Variants in PRKG1 observed in about 807,000 individuals in gnomAD.
The protein encoded by PRKG1 is protein kinase cGMP-dependent 1.
Under a neutral mutation model 88.1 loss-of-function variants are expected in PRKG1, and 35 were observed. That is an observed-to-expected ratio of 0.40 (90% CI 0.30 to 0.53). PRKG1 has a LOEUF of 0.53. PRKG1 is among the 20% of genes least tolerant of loss of function. PRKG1 has a pLI of 0.59. For synonymous variants in PRKG1, 303 were observed against 292.5 expected, an observed-to-expected ratio of 1.04 and a Z score of -0.37; for missense variants, 540 against 839.8, an observed-to-expected ratio of 0.64 and a Z score of 4.41.
Position 51,756,816 on chromosome 10 carries a change from AAAAT to A in PRKG1, c.593-47749_593-47746del, listed in dbSNP as rs577394250. On this transcript the variant is annotated intron_variant, in intron 3 of 17. Coordinates refer to ENST00000373980, the MANE Select transcript of PRKG1 (RefSeq NM_006258.4). ...GGTGACAGTGCGAAACTCCATCTCA[AAAAT>A]AAATAAATAAATAAATAAAATAATA... Among the ~76,000 whole-genome samples, 4 of 151,578 alleles carry A rather than the reference AAAAT, an allele frequency of 2.6e-5. No homozygotes were observed. In the South Asian group the frequency reaches 6.2e-4, roughly 24 times the overall value.
intron 3 of PRKG1, among the ~76,000 whole-genome samples, chr10:51,468,566 A>G (rs952410222): frequency 1.3e-5 from 2 of 151,864 alleles, no homozygotes; most frequent in African/African-American, 4.8e-5. Flanking sequence ...TGACTGTATA[A>G]CAAACAGAGC....
chr10:51,915,298 A>G (rs962188286), intron 5 of PRKG1, among the ~76,000 whole-genome samples: 1 of 152,238 alleles, frequency 6.6e-6, no homozygotes, highest in African/African-American at 2.4e-5. Flanking sequence ...CAACATTATT[A>G]GTTCTCTTTG....
chr10:51,595,018 T>C (rs1199696318), intron 3 of PRKG1, among the ~76,000 whole-genome samples: 1 of 152,188 alleles, frequency 6.6e-6, no homozygotes, highest in Non-Finnish European at 1.5e-5. Flanking sequence ...CCTGGATGTA[T>C]GATAATGGAA....
At chr10:51,627,408 G>A (rs1243706030) in intron 3 of PRKG1, among the ~76,000 whole-genome samples, 1 of 152,138 alleles carries the variant, frequency 6.6e-6, no homozygotes, top group Admixed American at 6.5e-5. Flanking sequence ...ACATGCTTCA[G>A]GTTTCTTTAG....
At chr10:52,205,544 G>C (rs1839797068) in intron 9 of PRKG1, among the ~76,000 whole-genome samples, 1 of 152,108 alleles carries the variant, frequency 6.6e-6, no homozygotes, top group African/African-American at 2.4e-5. Context: ...TTTTTTGGTG[G>C]CTGGTAATGG....
At chr10:52,191,108 A>G (rs1839351267) in intron 9 of PRKG1, among the ~76,000 whole-genome samples, 2 of 152,162 alleles carry the variant, frequency 1.3e-5, no homozygotes, top group Admixed American at 1.3e-4. Flanking sequence ...ATGTCTCTTT[A>G]GGCCTCCTTT....
chr10:51,626,927 A>C (rs1205677499), intron 3 of PRKG1, among the ~76,000 whole-genome samples: 1 of 152,120 alleles, frequency 6.6e-6, no homozygotes, highest in Admixed American at 6.5e-5. Context: ...TCATTAGTTC[A>C]TTCATTCACT....
intron 3 of PRKG1, among the ~76,000 whole-genome samples, chr10:51,691,279 C>A (rs1442298527): frequency 1.3e-5 from 2 of 149,798 alleles, no homozygotes; most frequent in East Asian, 1.9e-4. Context: ...ATGTGCCGAA[C>A]CAGTTGCTAA....
At chr10:51,971,136 A>G (rs1843705505) in intron 5 of PRKG1, among the ~76,000 whole-genome samples, 1 of 151,952 alleles carries the variant, frequency 6.6e-6, no homozygotes, top group African/African-American at 2.4e-5. Flanking sequence ...CCATAGCATT[A>G]GATGTCAGAA....
intron 3 of PRKG1, among the ~76,000 whole-genome samples, chr10:51,622,341 C>T (rs960116633): frequency 6.6e-6 from 1 of 152,168 alleles, no homozygotes; most frequent in East Asian, 1.9e-4. Flanking sequence ...TTTACCTTCC[C>T]CAAGAAAGTA....
At chr10:51,962,811 T>G (rs1383281782) in intron 5 of PRKG1, among the ~76,000 whole-genome samples, 3 of 152,224 alleles carry the variant, frequency 2.0e-5, no homozygotes, top group African/African-American at 7.2e-5. Context: ...ATATATTTGT[T>G]GGCAGCCACT....
chr10:52,000,106 C>G (rs960825546), intron 5 of PRKG1, among the ~76,000 whole-genome samples: 1 of 151,522 alleles, frequency 6.6e-6, no homozygotes, highest in Non-Finnish European at 1.5e-5. Context: ...ACATTTTTTT[C>G]AAATAAAATC....
chr10:51,885,532 C>T (rs758975526), intron 4 of PRKG1, among the ~76,000 whole-genome samples: 1 of 152,228 alleles, frequency 6.6e-6, no homozygotes, highest in Admixed American at 6.5e-5. Context: ...TCCAATTACT[C>T]TCATGGCTCT....
At chr10:51,519,576 TA>T (rs1381022387) in intron 3 of PRKG1, among the ~76,000 whole-genome samples, 13 of 152,166 alleles carry the variant, frequency 8.5e-5, no homozygotes, top group Admixed American at 2.0e-4. Flanking sequence ...TAATCTCAAT[TA>T]AATTCTCCAA....
intron 2 of PRKG1, among the ~76,000 whole-genome samples, chr10:51,406,268 C>T (rs572012655): frequency 1.3e-5 from 2 of 152,326 alleles, no homozygotes; most frequent in South Asian, 4.1e-4. Context: ...ATCATTCCTC[C>T]CCTCTTTCTT....
chr10:52,010,615 A>G (rs182104922), intron 5 of PRKG1, among the ~76,000 whole-genome samples: 1 of 152,298 alleles, frequency 6.6e-6, no homozygotes, highest in Admixed American at 6.5e-5. Context: ...TGTAAAATAA[A>G]AGTTAAAATT....
chr10:51,029,256 C>T (rs10822131), intron 1 of PRKG1, among the ~76,000 whole-genome samples: 33,328 of 152,096 alleles, frequency 0.22, 3,830 homozygotes, highest in Non-Finnish European at 0.26. Flanking sequence ...ATTCATCACT[C>T]AGTGTGATCA....
At chr10:51,842,079 G>A (rs970561345) in intron 4 of PRKG1, among the ~76,000 whole-genome samples, 1 of 152,166 alleles carries the variant, frequency 6.6e-6, no homozygotes, top group Admixed American at 6.5e-5. Context: ...TAACACAGAT[G>A]GGATGTTGGT....
intron 3 of PRKG1, among the ~76,000 whole-genome samples, chr10:51,720,080 G>A (rs546371412): frequency 3.3e-5 from 5 of 152,252 alleles, no homozygotes; most frequent in African/African-American, 9.6e-5. Flanking sequence ...GAAAATAGGA[G>A]AGAGGGGCGG....
Sources: gnomAD v4.1 joint callset for allele counts (sites outside exome capture counted in the v4.1 genomes callset) on GRCh38, gnomAD v4.1.1 for gene constraint, MANE v1.5 for transcripts, NCBI Gene and HGNC (gene_info 2026-07-23, HGNC 2026-07-21) for gene names.